IAPP: variants seen among roughly 807,000 people sequenced by gnomAD.
IAPP encodes islet amyloid polypeptide, also known as Islet amyloid polypeptide (diabetes-associated peptide; amylin).
A neutral mutation model predicts 2.9 loss-of-function variants in IAPP; 4 were observed. That is an observed-to-expected ratio of 1.39 (90% CI 0.69 to 3.19). The LOEUF is 3.19. Among genes scored for constraint, IAPP ranks in the 30% most tolerant of loss-of-function variants. The probability of loss-of-function intolerance (pLI) is 0.01; values close to 1 mark genes in which losing one functional copy is unlikely to be tolerated. For missense variants in IAPP, 114 were observed against 105.3 expected (o/e 1.08, Z -0.36); for synonymous variants, 40 against 42.1 (o/e 0.95, Z 0.19).
At position 21,375,925 on chromosome 12, in the gene IAPP, A is replaced by T. The variant is rs377478399; in HGVS notation, c.81-2312A>T. Among the ~76,000 whole-genome samples, 3 of 152,292 alleles carry T rather than the reference A, an allele frequency of 2.0e-5. 1 individual carries two copies. The highest frequency in any genetic ancestry group is 7.2e-5 in the African/African-American group (3 of 41,574). On this transcript the variant is annotated intron_variant, in intron 2 of 2. Coordinates refer to ENST00000240652, the MANE Select transcript of IAPP (RefSeq NM_000415.3). Reference sequence around the variant, plus strand: ...CAATGAGAAAAAAATGCCTGAAACCAGGGAGGTAATGCCTTTTATTAACCA... The same window carrying T: ...CAATGAGAAAAAAATGCCTGAAACCTGGGAGGTAATGCCTTTTATTAACCA...
chr12:21,365,827 T>C (rs1158509560), intron 1 of IAPP, among the ~76,000 whole-genome samples: 1 of 152,118 alleles, frequency 6.6e-6, no homozygotes, highest in Non-Finnish European at 1.5e-5. Context: ...ATCAGAGAAA[T>C]GCACATCAAA....
At chr12:21,374,512 G>A (rs1228137372) in intron 2 of IAPP, 1 of 152,176 alleles carries the variant, frequency 6.6e-6, no homozygotes, top group African/African-American at 2.4e-5. Flanking sequence ...AATATGCAAA[G>A]ATTTCTACAG....
chr12:21,375,506 A>G (rs1940127882), intron 2 of IAPP, among the ~76,000 whole-genome samples: 1 of 152,202 alleles, frequency 6.6e-6, no homozygotes, highest in Non-Finnish European at 1.5e-5. Context: ...GATTTTTTCA[A>G]TTTGTAAATG....
intron 1 of IAPP, among the ~76,000 whole-genome samples, chr12:21,359,046 G>T (rs1938604163): frequency 6.6e-6 from 1 of 152,158 alleles, no homozygotes; most frequent in African/African-American, 2.4e-5. Flanking sequence ...TTAACAGGAA[G>T]CAAGCTGCTA....
upstream of IAPP, among the ~76,000 whole-genome samples, chr12:21,369,208 T>C (rs1565519292): frequency 6.6e-6 from 1 of 152,224 alleles, no homozygotes. Context: ...ATGAATTATA[T>C]CCTGACACTC....
At chr12:21,368,576 T>C (rs1939560005), upstream of IAPP, among the ~76,000 whole-genome samples, 1 of 152,148 alleles carries the variant, frequency 6.6e-6, no homozygotes. Context: ...TTCAGAGCTA[T>C]GTTCTATAAA....
At chr12:21,362,964 C>T (rs1939049376) in intron 1 of IAPP, among the ~76,000 whole-genome samples, 1 of 152,182 alleles carries the variant, frequency 6.6e-6, no homozygotes, top group African/African-American at 2.4e-5. Flanking sequence ...TAACACCCCA[C>T]TGTGAACATT....
upstream of IAPP, among the ~76,000 whole-genome samples, chr12:21,369,285 T>C (rs1939614703): frequency 6.6e-6 from 1 of 152,220 alleles, no homozygotes; most frequent in Non-Finnish European, 1.5e-5. Flanking sequence ...ATGTTATGAT[T>C]ATGAATATGA....
At position 21,373,403 on chromosome 12, in the gene IAPP, A is replaced by G. The variant is rs1262493141; in HGVS notation, c.52A>G (p.Asn18Asp). 6.2e-7 allele frequency: 1 copy of G among 1,613,274 alleles called. No individual in the cohort carries two copies. The highest frequency in any genetic ancestry group is 1.3e-5 in the African/African-American group (1 of 74,914). The part of the protein sequence containing the change: ...VFLIVLSVAL[N>D]HLKATPIESH... Reference sequence around the variant, plus strand: ...TCTCATTGTGCTCTCTGTTGCATTGAACCATCTGAAAGCTACACCCATTGA... The same window carrying G: ...TCTCATTGTGCTCTCTGTTGCATTGGACCATCTGAAAGCTACACCCATTGA... The change falls in exon 2 of 3, where the codon AAC (asparagine) becomes GAC (aspartate). Residue 18 changes from asparagine to aspartate, a missense_variant. Asn to Asp is a conservative substitution (Grantham distance 23). Coordinates refer to ENST00000240652, the MANE Select transcript of IAPP (RefSeq NM_000415.3).
chr12:21,359,569 CTCACTAATAAATG>C (rs2137040718), intron 1 of IAPP, among the ~76,000 whole-genome samples: 1 of 152,224 alleles, frequency 6.6e-6, no homozygotes, highest in Admixed American at 6.5e-5. Context: ...ATTGTAGTGT[CTCACTAATAAATG>C]TCAATGGACT....
rs565398451 is a variant in IAPP at position 21,359,640 on chromosome 12, G to A, written c.-16+4627G>A. On this transcript the variant is annotated intron_variant, in intron 1 of 2. Coordinates refer to the IAPP transcript ENST00000539393. ...TGGGCACCTGTGGTCCCAGCTACTC[G>A]GGAGGCTGAGGCAGGAGAATGGCAT... Among the ~76,000 whole-genome samples the A allele has an allele frequency of 3.3e-5, 5 of 152,104 alleles. No homozygotes were observed. The East Asian group carries it at 7.7e-4, about 24-fold the overall frequency.
chr12:21,355,495 CAAGG>C (rs1183300567), intron 1 of IAPP, among the ~76,000 whole-genome samples: 7 of 152,116 alleles, frequency 4.6e-5, no homozygotes, highest in Non-Finnish European at 8.8e-5. Flanking sequence ...AATACTGATA[CAAGG>C]CCTAGGATCT....
At chr12:21,370,317 C>A (rs1939684062), upstream of IAPP, among the ~76,000 whole-genome samples, 1 of 151,212 alleles carries the variant, frequency 6.6e-6, no homozygotes, top group African/African-American at 2.4e-5. Context: ...TATAAAATAC[C>A]AGGTCTTCCT....
chr12:21,369,260 T>G (rs941519496), upstream of IAPP, among the ~76,000 whole-genome samples: 119 of 152,230 alleles, frequency 7.8e-4, no homozygotes, highest in African/African-American at 2.8e-3. Flanking sequence ...CCTTTATTCA[T>G]GTCATTGTCA....
At chr12:21,356,646 T>C (rs1199217588) in intron 1 of IAPP, among the ~76,000 whole-genome samples, 1 of 152,128 alleles carries the variant, frequency 6.6e-6, no homozygotes, top group African/African-American at 2.4e-5. Flanking sequence ...AGTAAAGATA[T>C]GAGTGTTATA....
At chr12:21,365,829 C>G (rs1473000280) in intron 1 of IAPP, among the ~76,000 whole-genome samples, 1 of 152,186 alleles carries the variant, frequency 6.6e-6, no homozygotes, top group Non-Finnish European at 1.5e-5. Context: ...CAGAGAAATG[C>G]ACATCAAAAC....
At chr12:21,363,567 G>A (rs1269115781) in intron 1 of IAPP, among the ~76,000 whole-genome samples, 1 of 152,112 alleles carries the variant, frequency 6.6e-6, no homozygotes, top group Admixed American at 6.5e-5. Flanking sequence ...GAAGTAGATA[G>A]AGACACAAAA....
intron 1 of IAPP, among the ~76,000 whole-genome samples, chr12:21,365,179 G>A (rs562633474): frequency 6.6e-6 from 1 of 152,118 alleles, no homozygotes; most frequent in Non-Finnish European, 1.5e-5. Context: ...AAACAGCATG[G>A]TACTGGTACC....
At chr12:21,373,045 G>C in intron 1 of IAPP, 41 bp downstream of exon 1, 1 of 324,356 alleles carries the variant, frequency 3.1e-6, no homozygotes, top group South Asian at 4.4e-5. Context: ...TATTTATTTA[G>C]AGAAATGCAC....
Sources: gnomAD v4.1 joint callset for allele counts (sites outside exome capture counted in the v4.1 genomes callset) on GRCh38, gnomAD v4.1.1 for gene constraint, MANE v1.5 for transcripts, NCBI Gene and HGNC (gene_info 2026-07-23, HGNC 2026-07-21) for gene names.